Variants in SMG6 observed in about 807,000 individuals in gnomAD.
SMG6 encodes the protein telomerase-binding protein EST1A.
Under a neutral mutation model 142.2 loss-of-function variants are expected in SMG6, and 66 were observed. The observed-to-expected ratio is 0.46, with a 90% CI of 0.38 to 0.57. The LOEUF (loss-of-function observed/expected upper bound fraction) is 0.57, where lower values mean the gene tolerates loss of function less well. Ranked by LOEUF, SMG6 falls within the 20% of genes least tolerant of loss-of-function variation. The probability of loss-of-function intolerance (pLI) is 0.00; values close to 1 mark genes in which losing one functional copy is unlikely to be tolerated. For synonymous variants in SMG6, 779 were observed against 702.4 expected (o/e 1.11, Z -1.72); for missense variants, 1,793 against 1,832.0 (o/e 0.98, Z 0.39).
intron 13 of SMG6, among the ~76,000 whole-genome samples, chr17:2,138,152 G>GA (rs36023293): frequency 0.025 from 3,602 of 145,054 alleles, 66 homozygotes; most frequent in South Asian, 0.067. Flanking sequence ...TAGGAGGCAG[G>GA]AAAAAAAAAA....
At chr17:2,279,166 G>A (rs577662540) in intron 8 of SMG6, among the ~76,000 whole-genome samples, 1 of 152,330 alleles carries the variant, frequency 6.6e-6, no homozygotes, top group East Asian at 1.9e-4. Context: ...TTTAGGCTGA[G>A]ACCTGAAGGG....
At chr17:2,221,548 C>T (rs1395836154) in intron 10 of SMG6, among the ~76,000 whole-genome samples, 1 of 152,104 alleles carries the variant, frequency 6.6e-6, no homozygotes, top group Non-Finnish European at 1.5e-5. Context: ...AGGATTAATA[C>T]AACAGTAGAT....
chr17:2,088,536 C>T (rs2151441617), intron 13 of SMG6: 1 of 985,408 alleles, frequency 1.0e-6, no homozygotes. Context: ...GGCTGATATG[C>T]AAAAGGCTGT....
chr17:2,190,038 C>T (rs1361944818), intron 10 of SMG6, among the ~76,000 whole-genome samples: 1 of 152,124 alleles, frequency 6.6e-6, no homozygotes, highest in African/African-American at 2.4e-5. Flanking sequence ...ACAAAGAAAA[C>T]AAGCATGCAA....
chr17:2,263,336 T>A (rs894376645), intron 8 of SMG6, among the ~76,000 whole-genome samples: 1 of 152,164 alleles, frequency 6.6e-6, no homozygotes, highest in African/African-American at 2.4e-5. Context: ...TTATGTATCT[T>A]CATAGAGGCT....
intron 13 of SMG6, among the ~76,000 whole-genome samples, chr17:2,142,910 AAAGT>A (rs1183392334): frequency 6.6e-5 from 10 of 151,558 alleles, no homozygotes; most frequent in African/African-American, 2.4e-4. Flanking sequence ...AAAAAAAAAA[AAAGT>A]AGGCAAATAT....
chr17:2,236,705 ACACACACAC>A (rs1567707711), intron 9 of SMG6, 68 bp from the exon 10 acceptor site: 5 of 13,714 alleles, frequency 3.6e-4, no homozygotes, highest in East Asian at 6.1e-3. Flanking sequence ...TCTGTCTCAC[ACACACACAC>A]ACACACACAC....
intron 8 of SMG6, among the ~76,000 whole-genome samples, chr17:2,262,555 C>T (rs996906949): frequency 2.0e-5 from 3 of 152,166 alleles, no homozygotes; most frequent in African/African-American, 7.2e-5. Flanking sequence ...GTTCCTTCTG[C>T]CAGAAAAGTC....
chr17:2,244,558 CCT>C (rs1183093370), intron 9 of SMG6, 98 bp downstream of exon 9: 1 of 866,620 alleles, frequency 1.2e-6, no homozygotes, highest in Non-Finnish European at 1.9e-6. Flanking sequence ...GAATTCACAC[CCT>C]GTGCCCTCAG....
chr17:2,154,467 C>T (rs1475987307), intron 13 of SMG6, among the ~76,000 whole-genome samples: 1 of 152,164 alleles, frequency 6.6e-6, no homozygotes, highest in African/African-American at 2.4e-5. Context: ...ATTTTATGCC[C>T]TTTGTCCTTC....
chr17:2,222,711 AG>A (rs2073211860), intron 10 of SMG6, among the ~76,000 whole-genome samples: 1 of 152,056 alleles, frequency 6.6e-6, no homozygotes, highest in Admixed American at 6.6e-5. Flanking sequence ...GGAACGAGAG[AG>A]GTAAGGGGTA....
intron 8 of SMG6, among the ~76,000 whole-genome samples, chr17:2,277,791 T>A (rs909239159): frequency 1.4e-4 from 21 of 152,208 alleles, no homozygotes; most frequent in African/African-American, 5.1e-4. Context: ...ACACCTATAA[T>A]CCAAACATTT....
Position 2,282,831 on chromosome 17 carries a change from T to A in SMG6, c.2477A>T (p.Glu826Val), listed in dbSNP as rs142250229. Reference sequence around the variant, plus strand: ...CTGGTCAGGGCTCAGGTCAAATTCCTCATGTTGCTTCTTTTCCATCTGTTC... The same window carrying A: ...CTGGTCAGGGCTCAGGTCAAATTCCACATGTTGCTTCTTTTCCATCTGTTC... ...KAEQMEKKQH[E>V]EFDLSPDQWR... The change falls in exon 8 of 19, where the codon GAG becomes GTG. Residue 826 changes from glutamate to valine, a missense_variant. Coordinates refer to ENST00000263073, the MANE Select transcript of SMG6 (RefSeq NM_017575.5). The A allele has an allele frequency of 3.1e-6, 5 of 1,614,156 alleles. No individual in the cohort carries two copies. The East Asian group carries it at 1.1e-4, about 36-fold the overall frequency.
chr17:2,301,771 G>A (rs2075283246), intron 1 of SMG6, among the ~76,000 whole-genome samples: 1 of 152,232 alleles, frequency 6.6e-6, no homozygotes, highest in African/African-American at 2.4e-5. Context: ...GAACCCAGGA[G>A]GCGGAGCTTG....
chr17:2,211,580 C>T (rs959815462), intron 10 of SMG6, among the ~76,000 whole-genome samples: 9 of 149,646 alleles, frequency 6.0e-5, no homozygotes, highest in Non-Finnish European at 1.3e-4. Flanking sequence ...AGGAGAATGG[C>T]GTGAACCCGG....
chr17:2,108,637 T>TAAA (rs1406387894), intron 13 of SMG6, among the ~76,000 whole-genome samples: 1 of 150,350 alleles, frequency 6.7e-6, no homozygotes, highest in African/African-American at 2.5e-5. Flanking sequence ...TCTCAGATAA[T>TAAA]AATAATAATA....
intron 6 of SMG6, among the ~76,000 whole-genome samples, chr17:2,286,429 G>T (rs981579509): frequency 1.3e-5 from 2 of 151,498 alleles, no homozygotes; most frequent in Non-Finnish European, 2.9e-5. Flanking sequence ...ATCAATGGAA[G>T]AAAACTGAGA....
In SMG6 at chr17:2,299,803, G is replaced by C; in HGVS notation, c.950C>G (p.Pro317Arg). The C allele has an allele frequency of 3.1e-6, 5 of 1,614,118 alleles. No homozygotes were observed. The highest frequency in any genetic ancestry group is 4.2e-6 in the Non-Finnish European group (5 of 1,180,032). Residue 317 changes from proline to arginine, a missense_variant, in exon 2 of 19, where the codon CCC (proline) becomes CGC (arginine). Transcript: ENST00000263073. The surrounding 1 kb of genome is among the most constrained non-coding windows in gnomAD (Gnocchi z 4.3). ...TCTCTTCCTTTCTGAACTTCTCCTGGGTCCTAATCCATCAGGCTCATCAAT... is the reference window on the plus strand; with the variant it reads ...TCTCTTCCTTTCTGAACTTCTCCTGCGTCCTAATCCATCAGGCTCATCAAT... ...DRIDEPDGLG[P>R]RRSSERKRHL...
chr17:2,183,069 T>C (rs2071856475), intron 12 of SMG6, among the ~76,000 whole-genome samples: 1 of 151,810 alleles, frequency 6.6e-6, no homozygotes, highest in Non-Finnish European at 1.5e-5. Context: ...ATTTAAAAAA[T>C]ACAAAAAGTT....
Sources: gnomAD v4.1 joint callset for allele counts (sites outside exome capture counted in the v4.1 genomes callset) on GRCh38, gnomAD v4.1.1 for gene constraint, Gnocchi (gnomAD v3.1) non-coding constraint, MANE v1.5 for transcripts, NCBI Gene and HGNC (gene_info 2026-07-23, HGNC 2026-07-21) for gene names.